The following DSCAM variants were observed in gnomAD, a reference collection of about 807,000 sequenced individuals.
DSCAM encodes cell adhesion molecule DSCAM.
A neutral mutation model predicts 217.7 loss-of-function variants in DSCAM; 47 were observed. The observed-to-expected ratio is 0.22, with a 90% CI of 0.17 to 0.28. The LOEUF is 0.28. Ranked by LOEUF, DSCAM falls within the 10% of genes least tolerant of loss-of-function variation. The pLI is 1.00. For missense variants in DSCAM, 2,080 were observed against 2,618.3 expected (o/e 0.79, Z 4.49); for synonymous variants, 1,056 against 1,015.3 (o/e 1.04, Z -0.76).
intron 3 of DSCAM, among the ~76,000 whole-genome samples, chr21:40,500,478 G>T (rs760338290): frequency 6.6e-6 from 1 of 152,182 alleles, no homozygotes; most frequent in Non-Finnish European, 1.5e-5. Context: ...ACTATTGAAT[G>T]TCAACTTAAC....
At chr21:40,063,674 T>A (rs1416390237) in intron 27 of DSCAM, among the ~76,000 whole-genome samples, 1 of 152,234 alleles carries the variant, frequency 6.6e-6, no homozygotes, top group Non-Finnish European at 1.5e-5. Flanking sequence ...TACTGTTCAA[T>A]GAACAGAACT....
At chr21:40,380,981 G>T (rs908036760) in intron 3 of DSCAM, among the ~76,000 whole-genome samples, 17 of 143,940 alleles carry the variant, frequency 1.2e-4, no homozygotes, top group Admixed American at 1.5e-4. Flanking sequence ...GAGAATGGCG[G>T]GAACCCGGGA....
chr21:40,269,497 C>T (rs142739944), intron 11 of DSCAM, among the ~76,000 whole-genome samples: 94 of 152,274 alleles, frequency 6.2e-4, no homozygotes, highest in African/African-American at 2.2e-3. Flanking sequence ...CACAAGACCG[C>T]AAAAGAGTTC....
rs147286335 is a variant in DSCAM at position 40,164,896 on chromosome 21, A to G, written c.3018+2322T>C. 2.1e-4 allele frequency among the ~76,000 whole-genome samples: 32 copies of G among 152,368 alleles called. No individual in the cohort carries two copies. In the East Asian group the frequency reaches 6.0e-3, roughly 28 times the overall value. On this transcript the variant is annotated intron_variant, in intron 16 of 32. Transcript: ENST00000400454. ...TTACAGAAGCAGTGCTTATTCAATG[A>G]TAATTAAATAAATGTAATATCTATC...
At chr21:40,726,655 G>C (rs899906172) in intron 1 of DSCAM, among the ~76,000 whole-genome samples, 1 of 152,122 alleles carries the variant, frequency 6.6e-6, no homozygotes, top group Non-Finnish European at 1.5e-5. Context: ...AACCCTATGC[G>C]GAACAGTGCC....
chr21:40,574,485 G>T (rs2076833150), intron 3 of DSCAM, among the ~76,000 whole-genome samples: 1 of 152,192 alleles, frequency 6.6e-6, no homozygotes, highest in East Asian at 1.9e-4. Context: ...CTGATAAAGG[G>T]CATTTACAGA....
At chr21:40,118,849 A>C (rs1441390463) in intron 20 of DSCAM, among the ~76,000 whole-genome samples, 1 of 152,118 alleles carries the variant, frequency 6.6e-6, no homozygotes, top group Non-Finnish European at 1.5e-5. Flanking sequence ...GAAGGGTGAC[A>C]TTGTCTAGTG....
intron 3 of DSCAM, among the ~76,000 whole-genome samples, chr21:40,548,777 C>A (rs1157908235): frequency 3.3e-5 from 5 of 152,146 alleles, no homozygotes. Context: ...GTAGGCATGA[C>A]TTTGGGATAT....
At chr21:40,324,103 C>CAAAAAAAAAAAAAAAAAAAAAAAAA (rs71330393) in intron 8 of DSCAM, among the ~76,000 whole-genome samples, 13 of 27,948 alleles carry the variant, frequency 4.7e-4, no homozygotes, top group Admixed American at 6.6e-4. Context: ...AACTCTGTCT[C>CAAAAAAAAAAAAAAAAAAAAAAAAA]AAAAAAAAAA....
chr21:40,013,579 C>A (rs370071729), intron 32 of DSCAM, among the ~76,000 whole-genome samples, 193 bp from the exon 33 acceptor site: 1 of 152,142 alleles, frequency 6.6e-6, no homozygotes, highest in Non-Finnish European at 1.5e-5. Context: ...CCTCCCTGGG[C>A]GCGGGAGGAG....
chr21:40,506,482 G>C (rs543319896), intron 3 of DSCAM, among the ~76,000 whole-genome samples: 12 of 152,282 alleles, frequency 7.9e-5, no homozygotes, highest in African/African-American at 2.6e-4. Context: ...GAAAAATCAA[G>C]TGGCTCAAAC....
intron 11 of DSCAM, among the ~76,000 whole-genome samples, chr21:40,253,548 C>T (rs974123615): frequency 1.3e-5 from 2 of 152,138 alleles, no homozygotes; most frequent in African/African-American, 4.8e-5. Flanking sequence ...TCTGGAAAGA[C>T]CAACCATGTG....
intron 3 of DSCAM, among the ~76,000 whole-genome samples, chr21:40,544,998 G>A (rs117217556): frequency 0.014 from 2,186 of 152,012 alleles, 20 homozygotes; most frequent in Non-Finnish European, 0.019. Flanking sequence ...TTCATTTGTC[G>A]AAATTATAAA....
intron 3 of DSCAM, among the ~76,000 whole-genome samples, chr21:40,610,579 C>G (rs1464299588): frequency 6.6e-6 from 1 of 152,200 alleles, no homozygotes; most frequent in Non-Finnish European, 1.5e-5. Flanking sequence ...TCTCCTGTGT[C>G]TGATTCCATC....
chr21:40,389,504 T>C, intron 3 of DSCAM, among the ~76,000 whole-genome samples: 1 of 152,334 alleles, frequency 6.6e-6, no homozygotes. Flanking sequence ...AGGATTTTTA[T>C]CATTAATACT....
rs752615679 is a variant in DSCAM, at chr21:40,296,190, T to C, written c.2063-16A>G. The stretch of plus-strand genomic sequence containing the variant: ...TTGGGAGGAACTGAAAAGAGAGAAA[T>C]GTCACCAGTAATTAAGACTAGACCA... On this transcript the variant is annotated splice_polypyrimidine_tract_variant and intron_variant, in intron 9 of 32. Coordinates refer to ENST00000400454, the MANE Select transcript of DSCAM (RefSeq NM_001389.5). 3.1e-6 allele frequency: 5 copies of C among 1,613,380 alleles called. No individual in the cohort carries two copies. The highest frequency in any genetic ancestry group is 1.7e-4 in the Middle Eastern group (1 of 6,048).
intron 18 of DSCAM, among the ~76,000 whole-genome samples, chr21:40,137,594 T>TACACACACACACACATACAC (rs1341430165): frequency 7.4e-6 from 1 of 134,930 alleles, no homozygotes; most frequent in East Asian, 2.1e-4. Flanking sequence ...GGCTGTTTAA[T>TACACACACACACACATACAC]ACACACACAC....
At chr21:40,050,008 G>T (rs2088902791) in intron 30 of DSCAM, among the ~76,000 whole-genome samples, 1 of 152,160 alleles carries the variant, frequency 6.6e-6, no homozygotes, top group Non-Finnish European at 1.5e-5. Context: ...TTTTTACCTG[G>T]CAGGAAGAAC....
At chr21:40,021,205 CAA>C (rs763435750) in intron 32 of DSCAM, among the ~76,000 whole-genome samples, 16,176 of 84,434 alleles carry the variant, frequency 0.19, 576 homozygotes, top group Middle Eastern at 0.24. Flanking sequence ...GACTCCGTCT[CAA>C]AAAAAAAAAA....
Sources: allele counts gnomAD v4.1 joint callset (sites outside exome capture counted in the v4.1 genomes callset), GRCh38; gene constraint gnomAD v4.1.1; transcripts MANE v1.5; gene names NCBI Gene and HGNC (gene_info 2026-07-23, HGNC 2026-07-21).